VPS35L: variants seen among roughly 807,000 people sequenced by gnomAD.
VPS35L encodes the protein VPS35 endosomal protein-sorting factor-like.
VPS35L carries 83 observed loss-of-function variants against 133.0 expected under a neutral mutation model. That is an observed-to-expected ratio of 0.62 (90% CI 0.52 to 0.75). The LOEUF is 0.75. Ranked by LOEUF, VPS35L falls within the 30% of genes least tolerant of loss-of-function variation. The pLI, the probability that VPS35L is intolerant of heterozygous loss-of-function variation, is 0.00. For synonymous variants in VPS35L, 423 were observed against 449.9 expected (o/e 0.94, Z 0.76); for missense variants, 1,083 against 1,206.8 (o/e 0.90, Z 1.52).
At chr16:19,613,701 C>G (rs1457036972) in intron 12 of VPS35L, among the ~76,000 whole-genome samples, 1 of 152,174 alleles carries the variant, frequency 6.6e-6, no homozygotes, top group Non-Finnish European at 1.5e-5. Flanking sequence ...AGACTAGTCA[C>G]GTGGCCATGG....
At chr16:19,571,305 G>C (rs12923813) in intron 3 of VPS35L, among the ~76,000 whole-genome samples, 43,291 of 151,844 alleles carry the variant, frequency 0.29, 7,707 homozygotes, top group African/African-American at 0.51. Context: ...CAGCCTTAAA[G>C]TCCTGGGCTC....
chr16:19,686,309 C>T (rs1394302670), intron 28 of VPS35L, among the ~76,000 whole-genome samples: 2 of 152,118 alleles, frequency 1.3e-5, no homozygotes, highest in Non-Finnish European at 2.9e-5. Context: ...GATGCCTTGG[C>T]CACTTTCTTC....
chr16:19,602,121 T>C (rs1309949200), intron 9 of VPS35L, among the ~76,000 whole-genome samples: 1 of 152,194 alleles, frequency 6.6e-6, no homozygotes, highest in Non-Finnish European at 1.5e-5. Context: ...TCAATAGTAA[T>C]TGATGCTTTG....
At chr16:19,624,682 G>A (rs1973205419) in intron 14 of VPS35L, among the ~76,000 whole-genome samples, 1 of 152,136 alleles carries the variant, frequency 6.6e-6, no homozygotes, top group South Asian at 2.1e-4. Context: ...CTGGGCTCAA[G>A]CGAGCTTCCC....
At chr16:19,630,276 G>T (rs1440667594) in intron 18 of VPS35L, among the ~76,000 whole-genome samples, 1 of 150,594 alleles carries the variant, frequency 6.6e-6, no homozygotes, top group African/African-American at 2.4e-5. Context: ...ATAGAAGTGG[G>T]TTCAAAACCC....
At chr16:19,572,905 C>T (rs1180161425) in intron 3 of VPS35L, among the ~76,000 whole-genome samples, 1 of 152,102 alleles carries the variant, frequency 6.6e-6, no homozygotes, top group Non-Finnish European at 1.5e-5. Flanking sequence ...AAACCCCCGC[C>T]CTTAAGTGAT....
In VPS35L at chr16:19,633,724, G is replaced by T. The variant is rs1202948202; in HGVS notation, c.1635+552G>T. Among the ~76,000 whole-genome samples, 4 of 150,636 alleles carry T rather than the reference G, an allele frequency of 2.7e-5. No homozygotes were observed. Among genetic ancestry groups the T allele is most frequent in the Admixed American group, 2.0e-4 (3 of 15,082 alleles). On this transcript the variant is annotated intron_variant, in intron 19 of 30. Coordinates refer to ENST00000417362, the MANE Select transcript of VPS35L (RefSeq NM_020314.7). This position sits in a 1 kb window ranked among gnomAD's most constrained non-coding sequence, Gnocchi z 4.1. ...CCAGATTTACTAGCTGTTAACATTT[G>T]TTTTTTTTTGTTTTTGTTTTTGTTT...
intron 1 of VPS35L, among the ~76,000 whole-genome samples, chr16:19,556,900 G>T (rs1338626077): frequency 6.6e-6 from 1 of 151,662 alleles, no homozygotes; most frequent in Non-Finnish European, 1.5e-5. Context: ...CGAGGCTGGC[G>T]GATCACCTGA....
At chr16:19,561,256 A>G (rs1425091772) in intron 1 of VPS35L, among the ~76,000 whole-genome samples, 2 of 152,168 alleles carry the variant, frequency 1.3e-5, no homozygotes, top group East Asian at 1.9e-4. Flanking sequence ...CTGTAGTCCC[A>G]GCTACTAGGG....
At chr16:19,656,518 A>T (rs1187241733) in intron 26 of VPS35L, among the ~76,000 whole-genome samples, 5 of 151,246 alleles carry the variant, frequency 3.3e-5, no homozygotes, top group Admixed American at 2.6e-4. Context: ...TTCTGCTTGC[A>T]TTGGTCCCAG....
intron 29 of VPS35L, among the ~76,000 whole-genome samples, chr16:19,694,760 C>A (rs890127087): frequency 6.6e-6 from 1 of 152,162 alleles, no homozygotes; most frequent in Non-Finnish European, 1.5e-5. Context: ...ACTCCCAGCA[C>A]TTTGGGAGGC....
At chr16:19,653,579 T>A (rs992161982) in intron 26 of VPS35L, among the ~76,000 whole-genome samples, 2 of 152,210 alleles carry the variant, frequency 1.3e-5, no homozygotes, top group Non-Finnish European at 2.9e-5. Context: ...CCTTCACCAC[T>A]GCATTGACTG....
chr16:19,637,713 T>C (rs947808419), intron 20 of VPS35L, 57 bp downstream of exon 20: 15 of 1,252,522 alleles, frequency 1.2e-5, no homozygotes, highest in Middle Eastern at 1.9e-4. Flanking sequence ...GAGGTTCTCA[T>C]TGTCTCAGTA....
chr16:19,644,890 C>A lies in VPS35L; in HGVS notation c.1870C>A (p.Leu624Ile). The A allele has an allele frequency of 6.3e-7, 1 of 1,594,552 alleles. No homozygotes were observed. Among genetic ancestry groups the A allele is most frequent in the Non-Finnish European group, 8.6e-7 (1 of 1,164,942 alleles). The change falls in exon 23 of 31, where the codon CTC becomes ATC. Residue 624 changes from leucine to isoleucine, a missense_variant. Coordinates refer to ENST00000417362, the MANE Select transcript of VPS35L (RefSeq NM_020314.7). ...CKTMHDSVNALTLEDEKRMLS... is the reference protein window; with the variant it reads ...CKTMHDSVNAITLEDEKRMLS... ...ATGTACAATTATTGATTTTAGTGCA[C>A]TCACTCTTGAGGATGAGAAAAGAAT... is the stretch of plus-strand genomic sequence containing the variant.
intron 5 of VPS35L, chr16:19,578,316 G>A (rs1293224209): frequency 2.3e-6 from 1 of 443,376 alleles, no homozygotes; most frequent in African/African-American, 2.1e-5. Context: ...GGAGGTTACA[G>A]TGAGCCGAGA....
At chr16:19,651,000 T>C (rs1974106744) in intron 25 of VPS35L, among the ~76,000 whole-genome samples, 1 of 151,394 alleles carries the variant, frequency 6.6e-6, no homozygotes, top group African/African-American at 2.4e-5. Flanking sequence ...TACCTCAACC[T>C]CCTGAGTAGC....
At chr16:19,582,136 A>G (rs1971731934) in intron 7 of VPS35L, 1 of 153,122 alleles carries the variant, frequency 6.5e-6, no homozygotes, top group Admixed American at 6.5e-5. Flanking sequence ...GGAGAGGTAC[A>G]TACATTGAAT....
At chr16:19,592,908 A>T (rs1328765052) in intron 8 of VPS35L, among the ~76,000 whole-genome samples, 1 of 151,408 alleles carries the variant, frequency 6.6e-6, no homozygotes, top group African/African-American at 2.4e-5. Flanking sequence ...CTGGTCTCAA[A>T]CTCCTGACCT....
At chr16:19,583,344 A>G (rs1354295273) in intron 7 of VPS35L, among the ~76,000 whole-genome samples, 4 of 152,136 alleles carry the variant, frequency 2.6e-5, no homozygotes, top group African/African-American at 9.7e-5. Context: ...GGATTATTCA[A>G]TAGATAATCT....
Sources: allele counts gnomAD v4.1 joint callset (sites outside exome capture counted in the v4.1 genomes callset), GRCh38; gene constraint gnomAD v4.1.1; non-coding constraint Gnocchi (gnomAD v3.1); transcripts MANE v1.5; gene names NCBI Gene and HGNC (gene_info 2026-07-23, HGNC 2026-07-21).